Variants in LMBRD2 observed in about 807,000 individuals in gnomAD.
LMBRD2 encodes the protein LMBR1 domain containing 2, also known as G protein-coupled receptor-associated protein LMBRD2.
A neutral mutation model predicts 94.4 loss-of-function variants in LMBRD2; 55 were observed. The observed-to-expected ratio is 0.58, with a 90% CI of 0.47 to 0.73. The LOEUF (loss-of-function observed/expected upper bound fraction) is 0.73. Ranked by LOEUF, LMBRD2 falls within the 30% of genes least tolerant of loss-of-function variation. The pLI is 0.00. For synonymous variants in LMBRD2, 246 were observed against 272.4 expected, an observed-to-expected ratio of 0.90 and a Z score of 0.95; for missense variants, 640 against 831.9, an observed-to-expected ratio of 0.77 and a Z score of 2.84.
At chr5:36,147,596 A>C (rs80301132) in intron 1 of LMBRD2, among the ~76,000 whole-genome samples, 3,033 of 152,300 alleles carry the variant, frequency 0.02, 101 homozygotes, top group African/African-American at 0.069. Flanking sequence ...CAATCATCAA[A>C]ATATTATTCA....
intron 4 of LMBRD2, among the ~76,000 whole-genome samples, chr5:36,140,040 C>A (rs115977317): frequency 0.05 from 7,660 of 152,232 alleles, 681 homozygotes; most frequent in African/African-American, 0.18. Context: ...CTTCCAGGAG[C>A]CCAGATCTAG....
intron 11 of LMBRD2, 34 bp from the exon 12 acceptor site, chr5:36,115,154 A>C: frequency 7.7e-7 from 1 of 1,299,590 alleles, no homozygotes; most frequent in Non-Finnish European, 1.1e-6. Context: ...GTATATAAAA[A>C]GTAAAGCAGC....
Position 36,116,646 on chromosome 5 carries a change from C to A in LMBRD2, c.1303-53G>T, listed in dbSNP as rs878916831. On this transcript the variant is annotated intron_variant, in intron 10 of 17. Transcript: ENST00000296603. Reference sequence around the variant, plus strand: ...TGTTTAAAACAAACAGACTTTAGCACTTAACAATTACAGGCATTATCCTTC... The same window carrying A: ...TGTTTAAAACAAACAGACTTTAGCAATTAACAATTACAGGCATTATCCTTC... 1.4e-5 allele frequency: 22 copies of A among 1,546,510 alleles called. No individual in the cohort carries two copies. In the South Asian group the frequency reaches 2.4e-4, roughly 17 times the overall value.
rs190124506 is a variant in LMBRD2 at position 36,110,302 on chromosome 5, G to A, written c.1745-311C>T. Reference sequence around the variant, plus strand: ...CTTTTATTCCTGTCTTCTAAGTTAAGTTCATACTTCTTTTCTTTCTGTATG... The same window carrying A: ...CTTTTATTCCTGTCTTCTAAGTTAAATTCATACTTCTTTTCTTTCTGTATG... On this transcript the variant is annotated intron_variant, in intron 14 of 17. Transcript: ENST00000296603. Among the ~76,000 whole-genome samples the A allele has an allele frequency of 4.5e-3, 678 of 152,062 alleles. 1 individual carries two copies. The highest frequency in any genetic ancestry group is 7.6e-3 in the Non-Finnish European group (516 of 67,898).
At chr5:36,110,816 TTTAAA>T (rs1225815411) in intron 14 of LMBRD2, among the ~76,000 whole-genome samples, 1 of 152,110 alleles carries the variant, frequency 6.6e-6, no homozygotes, top group Non-Finnish European at 1.5e-5. Context: ...CCGATGATTC[TTTAAA>T]TTAATGAGTT....
chr5:36,144,545 G>A (rs967717728), intron 1 of LMBRD2, among the ~76,000 whole-genome samples: 2 of 152,146 alleles, frequency 1.3e-5, no homozygotes, highest in African/African-American at 2.4e-5. Context: ...TTAGCCAGGT[G>A]TGGTAGCGGG....
chr5:36,116,911 T>C (rs1743761616), intron 10 of LMBRD2, among the ~76,000 whole-genome samples: 1 of 152,116 alleles, frequency 6.6e-6, no homozygotes, highest in East Asian at 1.9e-4. Flanking sequence ...CCTGATCTCA[T>C]GATCCATTCG....
At chr5:36,145,523 C>T (rs762307048) in intron 1 of LMBRD2, among the ~76,000 whole-genome samples, 3 of 152,208 alleles carry the variant, frequency 2.0e-5, no homozygotes, top group Non-Finnish European at 4.4e-5. Flanking sequence ...CAGCGCCCAG[C>T]CAAATCTTAT....
intron 7 of LMBRD2, 111 bp downstream of exon 7, chr5:36,124,080 T>C (rs1277854812): frequency 1.8e-5 from 10 of 544,886 alleles, no homozygotes; most frequent in Non-Finnish European, 3.2e-5. Flanking sequence ...TCTATGAAAA[T>C]GAATTTAGAA....
chr5:36,104,016 G>A lies in LMBRD2; in HGVS notation c.*30C>T, dbSNP rs375747792. Reference sequence around the variant, plus strand: ...AAGACTGAACTGATGTGTTGACCTTGGTTAGTGGTCCCACAAACTTTTTCA... The same window carrying A: ...AAGACTGAACTGATGTGTTGACCTTAGTTAGTGGTCCCACAAACTTTTTCA... On this transcript the variant is annotated 3_prime_UTR_variant, in exon 18 of 18. Coordinates refer to ENST00000296603, the MANE Select transcript of LMBRD2 (RefSeq NM_001007527.2). 4.6e-6 allele frequency: 7 copies of A among 1,533,728 alleles called. No individual in the cohort carries two copies. The highest frequency in any genetic ancestry group is 1.4e-5 in the African/African-American group (1 of 72,962).
At chr5:36,148,687 G>T (rs536757052) in intron 1 of LMBRD2, among the ~76,000 whole-genome samples, 1 of 152,200 alleles carries the variant, frequency 6.6e-6, no homozygotes, top group Non-Finnish European at 1.5e-5. Context: ...ACAGTGCAGA[G>T]AGGTTAAGTA....
intron 6 of LMBRD2, among the ~76,000 whole-genome samples, chr5:36,133,861 A>AGC (rs1292750589): frequency 6.6e-6 from 1 of 152,150 alleles, no homozygotes. Context: ...CAGACAGCAA[A>AGC]GCTTCCTCTA....
At chr5:36,107,361 T>G (rs905815889) in intron 16 of LMBRD2, among the ~76,000 whole-genome samples, 5 of 151,464 alleles carry the variant, frequency 3.3e-5, no homozygotes, top group South Asian at 4.1e-4. Flanking sequence ...TTATGTTCAC[T>G]ATTTTATGTT....
At chr5:36,125,820 T>G (rs1318061106) in intron 6 of LMBRD2, among the ~76,000 whole-genome samples, 2 of 152,014 alleles carry the variant, frequency 1.3e-5, no homozygotes, top group South Asian at 4.2e-4. Context: ...GAGGGGAGAA[T>G]GTAGATTCTG....
intron 3 of LMBRD2, among the ~76,000 whole-genome samples, chr5:36,142,186 G>A (rs192635278): frequency 6.6e-6 from 1 of 152,258 alleles, no homozygotes; most frequent in East Asian, 1.9e-4. Flanking sequence ...TTTTAAATCT[G>A]AGATAGGCTG....
intron 13 of LMBRD2, among the ~76,000 whole-genome samples, chr5:36,112,338 C>G (rs758357235): frequency 6.6e-6 from 1 of 152,070 alleles, no homozygotes; most frequent in Admixed American, 6.6e-5. Flanking sequence ...ATCACTGTCT[C>G]TGGGAAAGTT....
chr5:36,109,920 T>C, intron 15 of LMBRD2, 25 bp downstream of exon 15: 1 of 1,512,450 alleles, frequency 6.6e-7, no homozygotes, highest in Non-Finnish European at 9.1e-7. Flanking sequence ...AATCTTCAGA[T>C]TACAGAAATT....
At chr5:36,124,363 C>A in intron 6 of LMBRD2, 98 bp from the exon 7 acceptor site, 1 of 626,720 alleles carries the variant, frequency 1.6e-6, no homozygotes, top group South Asian at 2.4e-5. Context: ...CTCACAAGTT[C>A]AACTTCAACA....
intron 9 of LMBRD2, among the ~76,000 whole-genome samples, chr5:36,120,423 G>A (rs548194037): frequency 1.0e-3 from 154 of 152,244 alleles, no homozygotes; most frequent in African/African-American, 3.7e-3. Context: ...ACCACGCCCA[G>A]CTAATTTTTG....
Sources: allele counts gnomAD v4.1 joint callset (sites outside exome capture counted in the v4.1 genomes callset), GRCh38; gene constraint gnomAD v4.1.1; transcripts MANE v1.5; gene names NCBI Gene and HGNC (gene_info 2026-07-23, HGNC 2026-07-21).